RIN2: variants seen among roughly 807,000 people sequenced by gnomAD.
RIN2 encodes RAB5 interacting protein 2.
RIN2 carries 36 observed loss-of-function variants against 78.0 expected under a neutral mutation model. That is an observed-to-expected ratio of 0.46 (90% confidence interval 0.35 to 0.61). The LOEUF is 0.61. RIN2 is among the 20% of genes least tolerant of loss of function. The pLI is 0.00. For synonymous variants in RIN2, 466 were observed against 466.8 expected (o/e 1.00, Z 0.02); for missense variants, 1,087 against 1,159.7 (o/e 0.94, Z 0.91).
intron 1 of RIN2, among the ~76,000 whole-genome samples, chr20:19,781,803 A>G (rs1156344847): frequency 6.6e-6 from 1 of 151,810 alleles, no homozygotes; most frequent in African/African-American, 2.4e-5. Flanking sequence ...TTTTTCAAGA[A>G]AAGTATTTCC....
chr20:19,851,744 C>T (rs1184187494), intron 2 of RIN2, among the ~76,000 whole-genome samples: 2 of 152,082 alleles, frequency 1.3e-5, no homozygotes, highest in Non-Finnish European at 1.5e-5. Flanking sequence ...AGAGCTCTAG[C>T]GGGGAGTGAC....
intron 9 of RIN2, among the ~76,000 whole-genome samples, chr20:19,977,306 C>G (rs2042309847): frequency 6.6e-6 from 1 of 152,166 alleles, no homozygotes; most frequent in Non-Finnish European, 1.5e-5. Flanking sequence ...AGAACCAACC[C>G]AAGTTAGTCC....
chr20:19,833,038 G>A (rs188373002), intron 2 of RIN2, among the ~76,000 whole-genome samples: 1 of 152,220 alleles, frequency 6.6e-6, no homozygotes, highest in Admixed American at 6.5e-5. Context: ...GGATTACCCT[G>A]CCCTACATGT....
intron 7 of RIN2, among the ~76,000 whole-genome samples, chr20:19,967,523 A>G (rs950919628): frequency 2.0e-5 from 3 of 152,254 alleles, no homozygotes; most frequent in African/African-American, 7.2e-5. Context: ...ATATGCAAAT[A>G]TGCATTGCAC....
chr20:19,787,922 G>A (rs1457779936), intron 1 of RIN2, among the ~76,000 whole-genome samples: 1 of 152,138 alleles, frequency 6.6e-6, no homozygotes, highest in Non-Finnish European at 1.5e-5. Context: ...CCAGGTGATG[G>A]TCTTTTCCAA....
At chr20:19,846,444 C>G (rs968355457) in intron 2 of RIN2, among the ~76,000 whole-genome samples, 1 of 152,126 alleles carries the variant, frequency 6.6e-6, no homozygotes, top group Non-Finnish European at 1.5e-5. Context: ...TCCTTCACAT[C>G]CCTTGTAAGT....
intron 1 of RIN2, among the ~76,000 whole-genome samples, chr20:19,770,884 C>G (rs989872627): frequency 2.9e-5 from 4 of 136,472 alleles, no homozygotes; most frequent in South Asian, 5.4e-4. Context: ...CCCCCCCCCC[C>G]CACCTTCCCA....
intron 2 of RIN2, among the ~76,000 whole-genome samples, chr20:19,812,189 C>A (rs1174685586): frequency 6.6e-6 from 1 of 151,782 alleles, no homozygotes; most frequent in African/African-American, 2.4e-5. Flanking sequence ...ACATACAAGT[C>A]TTTATGTAGA....
intron 4 of RIN2, among the ~76,000 whole-genome samples, chr20:19,955,159 C>T (rs1233594388): frequency 6.6e-6 from 1 of 152,086 alleles, no homozygotes; most frequent in African/African-American, 2.4e-5. Context: ...CTTTGTGTCT[C>T]TGTAGATTTG....
At chr20:19,836,951 A>G (rs4814906) in intron 2 of RIN2, among the ~76,000 whole-genome samples, 92,855 of 152,034 alleles carry the variant, frequency 0.61, 30,312 homozygotes, top group East Asian at 0.82. Context: ...AGGAATGGGA[A>G]GATATTGAAA....
chr20:19,792,827 C>T (rs755624807), intron 1 of RIN2, among the ~76,000 whole-genome samples: 4 of 152,146 alleles, frequency 2.6e-5, no homozygotes, highest in Non-Finnish European at 5.9e-5. Context: ...GGAATCACTT[C>T]TGAAAACCTG....
intron 1 of RIN2, among the ~76,000 whole-genome samples, chr20:19,779,439 C>T (rs1250492864): frequency 6.6e-6 from 1 of 152,218 alleles, no homozygotes; most frequent in Non-Finnish European, 1.5e-5. Context: ...CTCATTCTTA[C>T]AGCACAGTCC....
chr20:19,849,210 C>T (rs887297004), intron 2 of RIN2, among the ~76,000 whole-genome samples: 3 of 152,140 alleles, frequency 2.0e-5, no homozygotes, highest in Non-Finnish European at 4.4e-5. Context: ...TCATCCTGTG[C>T]AGAATGAATA....
chr20:19,837,719 A>G (rs1014984766), intron 2 of RIN2, among the ~76,000 whole-genome samples: 7 of 149,230 alleles, frequency 4.7e-5, no homozygotes, highest in Admixed American at 6.8e-5. Context: ...TAAATTTGTC[A>G]ACCTTTTTCT....
chr20:19,770,881 C>A (rs1031310960), intron 1 of RIN2, among the ~76,000 whole-genome samples: 29 of 142,444 alleles, frequency 2.0e-4, no homozygotes, highest in Non-Finnish European at 3.1e-4. Flanking sequence ...CCACCCCCCC[C>A]CCCCACCTTC....
chr20:19,831,410 T>C (rs2036247949), intron 2 of RIN2, among the ~76,000 whole-genome samples: 1 of 151,878 alleles, frequency 6.6e-6, no homozygotes, highest in Non-Finnish European at 1.5e-5. Context: ...TAGAGGGAGG[T>C]AGAGATGGAA....
At chr20:19,803,433 G>C (rs1216302540) in intron 2 of RIN2, among the ~76,000 whole-genome samples, 10 of 152,086 alleles carry the variant, frequency 6.6e-5, no homozygotes, top group Admixed American at 6.6e-4. Context: ...TCAGAAATAA[G>C]ACCACACATC....
At chr20:19,958,357 C>T (rs145632531) in intron 5 of RIN2, among the ~76,000 whole-genome samples, 144 of 152,376 alleles carry the variant, frequency 9.5e-4, no homozygotes, top group African/African-American at 3.3e-3. Flanking sequence ...GCAAAACATT[C>T]CAAAGACAGA....
At chr20:19,764,689 C>A (rs1049278674) in intron 1 of RIN2, among the ~76,000 whole-genome samples, 1 of 152,120 alleles carries the variant, frequency 6.6e-6, no homozygotes, top group Non-Finnish European at 1.5e-5. Flanking sequence ...AATTACCTAG[C>A]CTTTTATATT....
Sources: allele counts gnomAD v4.1 joint callset (sites outside exome capture counted in the v4.1 genomes callset), GRCh38; gene constraint gnomAD v4.1.1; transcripts MANE v1.5; gene names NCBI Gene and HGNC (gene_info 2026-07-23, HGNC 2026-07-21).